The following FOCAD variants were observed in gnomAD, a reference collection of about 807,000 sequenced individuals.
FOCAD encodes the protein focadhesin.
In FOCAD, 198 loss-of-function variants were observed where a neutral mutation model predicts 225.6. That is an observed-to-expected ratio of 0.88 (90% CI 0.78 to 0.99). The LOEUF (loss-of-function observed/expected upper bound fraction) is 0.99, where lower values mean the gene tolerates loss of function less well. Ranked by LOEUF, FOCAD falls within the 50% of genes least tolerant of loss-of-function variation. The pLI, the probability that FOCAD is intolerant of heterozygous loss-of-function variation, is 0.00. For synonymous variants in FOCAD, 897 were observed against 755.0 expected, an observed-to-expected ratio of 1.19 and a Z score of -3.08; for missense variants, 2,713 against 2,123.6, an observed-to-expected ratio of 1.28 and a Z score of -5.46.
intron 7 of FOCAD, among the ~76,000 whole-genome samples, chr9:20,769,221 C>T (rs539637104): frequency 6.6e-6 from 1 of 152,096 alleles, no homozygotes; most frequent in African/African-American, 2.4e-5. Flanking sequence ...ATTTTTCTCT[C>T]TGTGTATAAC....
At chr9:20,935,072 T>G (rs1000563963) in intron 28 of FOCAD, among the ~76,000 whole-genome samples, 1 of 152,208 alleles carries the variant, frequency 6.6e-6, no homozygotes, top group Non-Finnish European at 1.5e-5. Context: ...TTCAGTGCAG[T>G]TCTCATCAAA....
chr9:20,659,069 A>G (rs1299031605), intron 2 of FOCAD, among the ~76,000 whole-genome samples: 1 of 152,076 alleles, frequency 6.6e-6, no homozygotes, highest in Non-Finnish European at 1.5e-5. Context: ...AAATTCAAAA[A>G]ATTAGCTGGC....
intron 19 of FOCAD, among the ~76,000 whole-genome samples, chr9:20,879,836 C>A (rs1830522462): frequency 6.6e-6 from 1 of 152,182 alleles, no homozygotes; most frequent in African/African-American, 2.4e-5. Context: ...ATCTGTAGTT[C>A]ACTGTAGAGC....
At chr9:20,799,426 T>A (rs1278039594) in intron 11 of FOCAD, among the ~76,000 whole-genome samples, 1 of 152,216 alleles carries the variant, frequency 6.6e-6, no homozygotes, top group East Asian at 1.9e-4. Flanking sequence ...CTCGTTGATC[T>A]GTCTAATGTT....
rs116395419 is a variant in FOCAD, at chr9:20,911,920, A to G, written c.2719-946A>G. The stretch of plus-strand genomic sequence containing the variant: ...ACAGAATAGAAAAATCCTGATAGTT[A>G]AGAAGATATGAAAAGATCCTCAATC... On this transcript the variant is annotated intron_variant, in intron 22 of 43. Coordinates refer to ENST00000338382, the MANE Select transcript of FOCAD (RefSeq NM_001375567.1). 2.1e-3 allele frequency among the ~76,000 whole-genome samples: 319 copies of G among 152,290 alleles called. 3 individuals carry two copies. The highest frequency in any genetic ancestry group is 7.1e-3 in the African/African-American group (295 of 41,572).
In FOCAD at chr9:20,981,686, G is replaced by A; in HGVS notation, c.4638G>A (p.Arg1546=). Residue 1546 remains arginine (R), a splice_region_variant and synonymous_variant, in exon 38 of 44, where the codon CGG becomes CGA. Coordinates refer to ENST00000338382, the MANE Select transcript of FOCAD (RefSeq NM_001375567.1). The stretch of plus-strand genomic sequence containing the variant: ...TTGACCTCCTGCCAAATAAGATTCG[G>A]GTGAGGAACAAAAATATTTACATTC... The part of the protein sequence containing the change: ...KIFDLLPNKI[R]RKDLELYISI... 2 of 1,599,392 alleles carry A rather than the reference G, an allele frequency of 1.3e-6. No individual in the cohort carries two copies. The highest frequency in any genetic ancestry group is 1.7e-6 in the Non-Finnish European group (2 of 1,173,810).
chr9:20,887,213 A>G (rs1325951442), intron 21 of FOCAD, among the ~76,000 whole-genome samples: 2 of 150,204 alleles, frequency 1.3e-5, no homozygotes, highest in Non-Finnish European at 3.0e-5. Context: ...ATTTCCAAGT[A>G]TTTCTTCTTT....
intron 2 of FOCAD, among the ~76,000 whole-genome samples, chr9:20,662,839 C>G (rs1821774457): frequency 1.3e-5 from 2 of 152,010 alleles, no homozygotes; most frequent in African/African-American, 4.8e-5. Context: ...TGATAACATT[C>G]TAAAGATTTA....
At position 20,731,119 on chromosome 9, in the gene FOCAD, T is replaced by C. The variant is rs188442769; in HGVS notation, c.288-9117T>C. Among the ~76,000 whole-genome samples, 518 of 152,184 alleles carry C rather than the reference T, an allele frequency of 3.4e-3. 9 individuals are homozygous for C. Among genetic ancestry groups the C allele is most frequent in the Admixed American group, 0.032 (488 of 15,288 alleles). On this transcript the variant is annotated intron_variant, in intron 4 of 43. Coordinates refer to ENST00000338382, the MANE Select transcript of FOCAD (RefSeq NM_001375567.1). Reference sequence around the variant, plus strand: ...CTGGGCCTGTGGTGCGTGCCTGTAATCCCTCCTACTCGGGAGGCTGAGGCA... The same window carrying C: ...CTGGGCCTGTGGTGCGTGCCTGTAACCCCTCCTACTCGGGAGGCTGAGGCA...
At chr9:20,955,926 C>T (rs1838096507) in intron 35 of FOCAD, among the ~76,000 whole-genome samples, 1 of 135,360 alleles carries the variant, frequency 7.4e-6, no homozygotes, top group Non-Finnish European at 1.6e-5. Flanking sequence ...TATGTAATAG[C>T]ATTATTTTTG....
In FOCAD at chr9:20,948,832, T is replaced by C; in HGVS notation, c.3799-19T>C. 1 of 1,612,972 alleles carries C rather than the reference T, an allele frequency of 6.2e-7. No individual in the cohort carries two copies. The highest frequency in any genetic ancestry group is 1.7e-5 in the Admixed American group (1 of 59,956). Reference sequence around the variant, plus strand: ...AAGGACTGATTCCCTCTTTTCATATTCTGATGCTTTGTTTTCAGGGCACTC... The same window carrying C: ...AAGGACTGATTCCCTCTTTTCATATCCTGATGCTTTGTTTTCAGGGCACTC... On this transcript the variant is annotated intron_variant, in intron 31 of 43. Transcript: ENST00000338382.
chr9:20,872,030 A>G lies in FOCAD; in HGVS notation c.2191-2651A>G, dbSNP rs561562673. Among the ~76,000 whole-genome samples the G allele has an allele frequency of 1.5e-4, 23 of 152,206 alleles. No individual in the cohort carries two copies. The South Asian group carries it at 4.6e-3, about 30-fold the overall frequency. The stretch of plus-strand genomic sequence containing the variant: ...TTTGTCCAGGAGAATCAGCTCACCT[A>G]TTAGAAAACAAAATTGAAGGAGTGA... On this transcript the variant is annotated intron_variant, in intron 18 of 43. Coordinates refer to ENST00000338382, the MANE Select transcript of FOCAD (RefSeq NM_001375567.1).
intron 8 of FOCAD, among the ~76,000 whole-genome samples, chr9:20,770,973 G>A (rs1025533136): frequency 4.6e-5 from 7 of 152,068 alleles, no homozygotes; most frequent in African/African-American, 1.7e-4. Context: ...TTACAGACAT[G>A]CAAATAACTA....
At chr9:20,759,555 C>A (rs939709232) in intron 6 of FOCAD, among the ~76,000 whole-genome samples, 12 of 152,094 alleles carry the variant, frequency 7.9e-5, no homozygotes, top group East Asian at 1.9e-4. Context: ...TTATACAAAA[C>A]TTAATTCAAG....
chr9:20,670,411 T>C (rs1030883763), intron 2 of FOCAD, among the ~76,000 whole-genome samples: 3 of 152,200 alleles, frequency 2.0e-5, no homozygotes, highest in Non-Finnish European at 2.9e-5. Flanking sequence ...GTTTGATTGA[T>C]ACAGTTCTGC....
chr9:20,710,583 C>G (rs978584753), intron 1 of FOCAD, among the ~76,000 whole-genome samples: 2 of 150,944 alleles, frequency 1.3e-5, no homozygotes, highest in Non-Finnish European at 2.9e-5. Flanking sequence ...GCAACAAAAG[C>G]GTAACTCTGT....
chr9:20,837,936 C>T (rs984598669), intron 15 of FOCAD, among the ~76,000 whole-genome samples: 7 of 151,930 alleles, frequency 4.6e-5, no homozygotes, highest in Non-Finnish European at 1.0e-4. Flanking sequence ...AATAAAATAA[C>T]ATATACTGAA....
intron 2 of FOCAD, among the ~76,000 whole-genome samples, chr9:20,668,440 A>T (rs1821959081): frequency 6.6e-6 from 1 of 152,198 alleles, no homozygotes. Context: ...GCAATAAAAT[A>T]CTCCTTGTGG....
At chr9:20,935,372 G>C (rs1835853004) in intron 28 of FOCAD, among the ~76,000 whole-genome samples, 1 of 152,070 alleles carries the variant, frequency 6.6e-6, no homozygotes, top group African/African-American at 2.4e-5. Context: ...ATGGATGCAT[G>C]ACTTAATCTT....
Sources: gnomAD v4.1 joint callset for allele counts (sites outside exome capture counted in the v4.1 genomes callset) on GRCh38, gnomAD v4.1.1 for gene constraint, MANE v1.5 for transcripts, NCBI Gene and HGNC (gene_info 2026-07-23, HGNC 2026-07-21) for gene names.